Variants in MYO5A observed in about 807,000 individuals in gnomAD.
The protein encoded by MYO5A is myosin VA.
A neutral mutation model predicts 249.7 loss-of-function variants in MYO5A; 98 were observed. The ratio of observed to expected loss-of-function variants is 0.39; its 90% CI spans 0.33 to 0.46. The LOEUF (loss-of-function observed/expected upper bound fraction) is 0.46, where lower values mean the gene tolerates loss of function less well. Ranked by LOEUF, MYO5A falls within the 20% of genes least tolerant of loss-of-function variation. The pLI is 0.98. For synonymous variants in MYO5A, 778 were observed against 810.6 expected (o/e 0.96, Z 0.68); for missense variants, 1,696 against 2,308.8 (o/e 0.73, Z 5.44).
chr15:52,390,054 A>T (rs958114432), intron 12 of MYO5A, among the ~76,000 whole-genome samples: 7 of 152,238 alleles, frequency 4.6e-5, no homozygotes, highest in Admixed American at 1.3e-4. Flanking sequence ...CAAACATCAC[A>T]TGTTCTCATT....
At chr15:52,482,492 G>T (rs182135128) in intron 1 of MYO5A, among the ~76,000 whole-genome samples, 68 of 152,304 alleles carry the variant, frequency 4.5e-4, no homozygotes, top group African/African-American at 1.5e-3. Flanking sequence ...CTGGGCCAGA[G>T]TAGATTTCCA....
intron 2 of MYO5A, 24 bp downstream of exon 2, chr15:52,433,151 C>A (rs2075578874): frequency 6.7e-7 from 1 of 1,501,190 alleles, no homozygotes; most frequent in Non-Finnish European, 9.3e-7. Flanking sequence ...ATGCCAATGA[C>A]AACAAATGAA....
chr15:52,448,926 ATTTC>A (rs1160982412), intron 1 of MYO5A, among the ~76,000 whole-genome samples: 11 of 36,268 alleles, frequency 3.0e-4, no homozygotes, highest in Non-Finnish European at 5.3e-4. Context: ...AGTCTCAGGT[ATTTC>A]TTTTTTTTTT....
At chr15:52,354,265 G>C (rs2040097514) in intron 25 of MYO5A, among the ~76,000 whole-genome samples, 1 of 152,192 alleles carries the variant, frequency 6.6e-6, no homozygotes, top group Non-Finnish European at 1.5e-5. Context: ...CTCTGCATTA[G>C]CCACAGTGTC....
chr15:52,393,876 A>T (rs1342996142), intron 11 of MYO5A, among the ~76,000 whole-genome samples: 1 of 152,150 alleles, frequency 6.6e-6, no homozygotes, highest in Non-Finnish European at 1.5e-5. Flanking sequence ...GTATCTTCCA[A>T]AACAATGTGC....
chr15:52,318,931 C>G (rs2140921438), intron 39 of MYO5A, 129 bp downstream of exon 39: 1 of 1,228,324 alleles, frequency 8.1e-7, no homozygotes, highest in Middle Eastern at 2.7e-4. Context: ...CAGTTTCTCC[C>G]TTGCTGCTTG....
chr15:52,383,520 A>G (rs2041846224), intron 15 of MYO5A, among the ~76,000 whole-genome samples: 1 of 152,230 alleles, frequency 6.6e-6, no homozygotes, highest in African/African-American at 2.4e-5. Context: ...ATTTAATCAC[A>G]TAAAGTGGGA....
At chr15:52,402,914 C>A (rs1393028871) in intron 9 of MYO5A, among the ~76,000 whole-genome samples, 1 of 151,890 alleles carries the variant, frequency 6.6e-6, no homozygotes, top group South Asian at 2.1e-4. Context: ...CTCCACCTAC[C>A]CCAAATAGTG....
In MYO5A at chr15:52,334,940, C is replaced by G. The variant is rs137975648; in HGVS notation, c.4408+1523G>C. Among the ~76,000 whole-genome samples the G allele has an allele frequency of 2.4e-4, 36 of 152,294 alleles. No individual in the cohort carries two copies. The East Asian group carries it at 6.9e-3, about 29-fold the overall frequency. ...AGGATGTGACATATGACTCTGGTCTCAAAGGCTGAGCAGGACTTAACCAGG... is the reference window on the plus strand; with the variant it reads ...AGGATGTGACATATGACTCTGGTCTGAAAGGCTGAGCAGGACTTAACCAGG... On this transcript the variant is annotated intron_variant, in intron 34 of 41. Coordinates refer to ENST00000399233, the MANE Select transcript of MYO5A (RefSeq NM_001382347.1).
In MYO5A at chr15:52,430,157, C is replaced by G. The variant is rs139679447; in HGVS notation, c.139-1588G>C. Among the ~76,000 whole-genome samples, 5 of 152,298 alleles carry G rather than the reference C, an allele frequency of 3.3e-5. No individual in the cohort carries two copies. In the East Asian group the frequency reaches 9.6e-4, roughly 29 times the overall value. On this transcript the variant is annotated intron_variant, in intron 2 of 41. Transcript: ENST00000399233. ...AGAGAAAAATTAACAATTTACCACT[C>G]AGCATTTCTTGCTGCCTGTTTATCA...
chr15:52,321,086 T>A (rs1429256005), intron 38 of MYO5A, among the ~76,000 whole-genome samples: 3 of 152,200 alleles, frequency 2.0e-5, no homozygotes, highest in Non-Finnish European at 4.4e-5. Context: ...GACAATTTTT[T>A]AAAATTCAAT....
chr15:52,421,095 T>A (rs2043765838), intron 4 of MYO5A, among the ~76,000 whole-genome samples: 1 of 152,222 alleles, frequency 6.6e-6, no homozygotes, highest in African/African-American at 2.4e-5. Context: ...ATAACATATA[T>A]AAAATTATCC....
intron 2 of MYO5A, 90 bp downstream of exon 2, chr15:52,433,085 C>T: frequency 1.0e-6 from 1 of 984,346 alleles, no homozygotes; most frequent in Non-Finnish European, 1.6e-6. Context: ...CAAAATTTAA[C>T]TTCCATTGGG....
At position 52,337,868 on chromosome 15, in the gene MYO5A, T is replaced by A; in HGVS notation, c.4256A>T (p.Tyr1419Phe). The A allele has an allele frequency of 6.5e-7, 1 of 1,544,408 alleles. No individual in the cohort carries two copies. Among genetic ancestry groups the A allele is most frequent in the Non-Finnish European group, 8.8e-7 (1 of 1,142,810 alleles). The change falls in exon 33 of 42, where the codon TAT becomes TTT. Residue 1419 changes from tyrosine to phenylalanine, a missense_variant. By Grantham distance (22) the Tyr-to-Phe change is conservative (BLOSUM62 3). This residue lies in a region of MYO5A where 625 missense variants were observed against 908.1 expected (regional missense o/e 0.69). Transcript: ENST00000399233. ...TNENLYFEEL[Y>F]ADDPKKYQSY... The stretch of plus-strand genomic sequence containing the variant: ...TTGATACTTCTTAGGGTCATCTGCA[T>A]ATAATTCCTCAAAATACTGAAAAAA...
At chr15:52,401,561 G>A (rs867865371) in intron 9 of MYO5A, among the ~76,000 whole-genome samples, 1 of 152,054 alleles carries the variant, frequency 6.6e-6, no homozygotes, top group African/African-American at 2.4e-5. Flanking sequence ...TTTCTTCAAG[G>A]GCAGTCTCTT....
chr15:52,407,073 A>T (rs1199772155), intron 8 of MYO5A, among the ~76,000 whole-genome samples: 1 of 152,234 alleles, frequency 6.6e-6, no homozygotes, highest in Non-Finnish European at 1.5e-5. Context: ...GTAAATTTAC[A>T]AAGTTGCACA....
intron 9 of MYO5A, among the ~76,000 whole-genome samples, chr15:52,401,733 A>G (rs901491737): frequency 2.0e-5 from 3 of 152,158 alleles, no homozygotes; most frequent in African/African-American, 7.2e-5. Context: ...ATCTCTTGGT[A>G]TATTATGTCT....
At chr15:52,501,464 G>A (rs1040600316) in intron 1 of MYO5A, among the ~76,000 whole-genome samples, 2 of 152,028 alleles carry the variant, frequency 1.3e-5, no homozygotes, top group Admixed American at 1.3e-4. Flanking sequence ...AGCTGGGCGT[G>A]GTGGTGTGTC....
intron 1 of MYO5A, among the ~76,000 whole-genome samples, chr15:52,494,575 C>A (rs2077000350): frequency 6.6e-6 from 1 of 152,198 alleles, no homozygotes; most frequent in African/African-American, 2.4e-5. Flanking sequence ...TCACTGCATT[C>A]TCCCCCTCCT....
Sources: gnomAD v4.1 joint callset for allele counts (sites outside exome capture counted in the v4.1 genomes callset) on GRCh38, gnomAD v4.1.1 for gene constraint, gnomAD v4.1.1 regional missense constraint, MANE v1.5 for transcripts, NCBI Gene and HGNC (gene_info 2026-07-23, HGNC 2026-07-21) for gene names.